Variants in PEX3 observed in about 807,000 individuals in gnomAD.
The protein encoded by PEX3 is peroxisomal biogenesis factor 3, also known as peroxin-3.
PEX3 carries 30 observed loss-of-function variants against 55.8 expected under a neutral mutation model. The observed-to-expected ratio is 0.54, with a 90% CI of 0.40 to 0.73. The LOEUF (loss-of-function observed/expected upper bound fraction) is 0.73. PEX3 is among the 30% of genes least tolerant of loss of function. The pLI is 0.00. For missense variants in PEX3, 351 were observed against 432.8 expected (o/e 0.81, Z 1.68); for synonymous variants, 135 against 148.4 (o/e 0.91, Z 0.66).
In PEX3 at chr6:143,485,068, G is replaced by T; in HGVS notation, c.942-84G>T. Reference sequence around the variant, plus strand: ...TAGATTTCCAAAAATATTCTACAATGGCTATGTATTACTTTTATAATTAAG... The same window carrying T: ...TAGATTTCCAAAAATATTCTACAATTGCTATGTATTACTTTTATAATTAAG... On this transcript the variant is annotated intron_variant, in intron 10 of 11. Transcript: ENST00000367591. This position sits in a 1 kb window ranked among gnomAD's most constrained non-coding sequence, Gnocchi z 5.6. The T allele has an allele frequency of 2.5e-6, 2 of 794,868 alleles. No homozygotes were observed. The highest frequency in any genetic ancestry group is 1.4e-5 in the South Asian group (1 of 73,650). 49.2% of individuals were successfully genotyped at this position (794,868 alleles called of 1,614,324 possible).
chr6:143,474,964 A>G (rs1780132023), intron 9 of PEX3, 108 bp downstream of exon 9: 1 of 613,484 alleles, frequency 1.6e-6, no homozygotes, highest in African/African-American at 1.9e-5. Context: ...TTATATTAAA[A>G]TTAAATTTTT....
chr6:143,470,894 G>A, intron 4 of PEX3, 67 bp from the exon 5 acceptor site: 1 of 1,397,016 alleles, frequency 7.2e-7, no homozygotes, highest in South Asian at 1.2e-5. Context: ...AATAACCTTA[G>A]GATGGTTCAT....
rs187868254 is a variant in PEX3 at position 143,458,540 on chromosome 6, G to A, written c.74-545G>A. Among the ~76,000 whole-genome samples the A allele has an allele frequency of 1.3e-5, 2 of 152,014 alleles. No individual in the cohort carries two copies. Among genetic ancestry groups the A allele is most frequent in the East Asian group, 3.9e-4 (2 of 5,180 alleles). On this transcript the variant is annotated intron_variant, in intron 1 of 11. Transcript: ENST00000367591. The surrounding 1 kb of genome is among the most constrained non-coding windows in gnomAD (Gnocchi z 6.1). ...TGTGTTCATTGAAGAAAATATAGAG[G>A]ACAAAATGACCTGTTATCCCACCAT...
intron 4 of PEX3, among the ~76,000 whole-genome samples, chr6:143,468,427 A>T (rs1485347996): frequency 6.6e-6 from 1 of 152,196 alleles, no homozygotes; most frequent in African/African-American, 2.4e-5. Flanking sequence ...AGGTACTGAT[A>T]TCTCTAATGT....
intron 10 of PEX3, among the ~76,000 whole-genome samples, chr6:143,484,563 G>A (rs1395034605): frequency 6.6e-6 from 1 of 151,986 alleles, no homozygotes; most frequent in African/African-American, 2.4e-5. Flanking sequence ...AACATTGTTA[G>A]TAATTAAGAG....
intron 10 of PEX3, among the ~76,000 whole-genome samples, chr6:143,481,010 GC>G (rs1300300980): frequency 7.9e-6 from 1 of 126,512 alleles, no homozygotes; most frequent in Non-Finnish European, 1.7e-5. Flanking sequence ...AGACCCCCCT[GC>G]CCCCCCAAAA....
At chr6:143,468,806 C>CG (rs761458237) in intron 4 of PEX3, among the ~76,000 whole-genome samples, 4 of 14,070 alleles carry the variant, frequency 2.8e-4, no homozygotes, top group East Asian at 2.5e-3. Flanking sequence ...TGCTATCCCC[C>CG]CCCCCCCCAC....
At chr6:143,455,768 A>G (rs1416177157) in intron 1 of PEX3, among the ~76,000 whole-genome samples, 3 of 152,218 alleles carry the variant, frequency 2.0e-5, no homozygotes, top group Admixed American at 2.0e-4. Flanking sequence ...ATTAATTTTT[A>G]GAGTCTAAGT....
intron 3 of PEX3, among the ~76,000 whole-genome samples, chr6:143,467,579 CAGAAACTGT>C (rs1378826262): frequency 6.6e-6 from 1 of 151,948 alleles, no homozygotes; most frequent in Non-Finnish European, 1.5e-5. Flanking sequence ...GTTTTCATGT[CAGAAACTGT>C]AGATACTATA....
rs1383760880 is a variant in PEX3, at chr6:143,483,340, A to G, written c.942-1812A>G. Among the ~76,000 whole-genome samples, 2 of 152,220 alleles carry G rather than the reference A, an allele frequency of 1.3e-5. No homozygotes were observed. Among genetic ancestry groups the G allele is most frequent in the East Asian group, 1.9e-4 (1 of 5,204 alleles). On this transcript the variant is annotated intron_variant, in intron 10 of 11. Coordinates refer to ENST00000367591, the MANE Select transcript of PEX3 (RefSeq NM_003630.3). This position sits in a 1 kb window ranked among gnomAD's most constrained non-coding sequence, Gnocchi z 4.3. ...TATAAAGGAGAAGAACACTGAACGTATAATAGAAAAATTTAAACAAAAGTA... is the reference window on the plus strand; with the variant it reads ...TATAAAGGAGAAGAACACTGAACGTGTAATAGAAAAATTTAAACAAAAGTA...
chr6:143,480,380 A>T lies in PEX3; in HGVS notation c.941+1182A>T, dbSNP rs554733844. The stretch of plus-strand genomic sequence containing the variant: ...AAATACTTGATTTTGTACACTGAAG[A>T]ATTGTAAAAATTATACTACAGCCAC... On this transcript the variant is annotated intron_variant, in intron 10 of 11. Coordinates refer to ENST00000367591, the MANE Select transcript of PEX3 (RefSeq NM_003630.3). Among the ~76,000 whole-genome samples, 11 of 152,300 alleles carry T rather than the reference A, an allele frequency of 7.2e-5. No homozygotes were observed. The East Asian group carries it at 1.9e-3, about 27-fold the overall frequency.
chr6:143,451,038 T>C lies in PEX3; in HGVS notation c.-5T>C, dbSNP rs778648080. ...CTAGTCAGCCCACACCCCTAGGGCC[T>C]AAAGATGCTGAGGTCTGTATGGAAT... On this transcript the variant is annotated 5_prime_UTR_variant, in exon 1 of 12. Transcript: ENST00000367591. This position sits in a 1 kb window ranked among gnomAD's most constrained non-coding sequence, Gnocchi z 4.1. 14 of 1,609,718 alleles carry C rather than the reference T, an allele frequency of 8.7e-6. No homozygotes were observed. Among genetic ancestry groups the C allele is most frequent in the Non-Finnish European group, 1.2e-5 (14 of 1,176,044 alleles).
Position 143,464,618 on chromosome 6 carries a change from C to T in PEX3, c.287+1621C>T, listed in dbSNP as rs139953927. On this transcript the variant is annotated intron_variant, in intron 3 of 11. Coordinates refer to ENST00000367591, the MANE Select transcript of PEX3 (RefSeq NM_003630.3). The surrounding 1 kb of genome is among the most constrained non-coding windows in gnomAD (Gnocchi z 5.8). ...AAATTCTGGAGAATTTAAGGTGGGC[C>T]ACAGTTCTCCTCATTCAGTTTCCTC... 1.7e-3 allele frequency among the ~76,000 whole-genome samples: 261 copies of T among 151,846 alleles called. No homozygotes were observed. Among genetic ancestry groups the T allele is most frequent in the African/African-American group, 5.8e-3 (241 of 41,494 alleles).
chr6:143,470,896 A>C, intron 4 of PEX3, 65 bp from the exon 5 acceptor site: 1 of 1,409,700 alleles, frequency 7.1e-7, no homozygotes. Context: ...TAACCTTAGG[A>C]TGGTTCATGA....
In PEX3 at chr6:143,450,988, T is replaced by G; in HGVS notation, c.-55T>G. On this transcript the variant is annotated 5_prime_UTR_variant, in exon 1 of 12. Transcript: ENST00000367591. ...CTGGGCCAGGTGACGAAGAAACAGT[T>G]TCCTGGTGAAGCAGTCCCTCACCCC... 3.1e-6 allele frequency: 4 copies of G among 1,288,788 alleles called. No individual in the cohort carries two copies. Among genetic ancestry groups the G allele is most frequent in the Non-Finnish European group, 4.5e-6 (4 of 882,624 alleles). 79.8% of individuals were successfully genotyped at this position (1,288,788 alleles called of 1,614,324 possible). A position where few individuals can be genotyped will look rare whatever the true frequency, so the allele number is the denominator to read the frequency against.
In PEX3 at chr6:143,459,706, C is replaced by G. The variant is rs147824840; in HGVS notation, c.205+490C>G. Reference sequence around the variant, plus strand: ...GAGGCGGGAACAAGCTTGGTACTCTCAGGACACAGCAAAAAGGCCATGTAG... The same window carrying G: ...GAGGCGGGAACAAGCTTGGTACTCTGAGGACACAGCAAAAAGGCCATGTAG... On this transcript the variant is annotated intron_variant, in intron 2 of 11. Coordinates refer to ENST00000367591, the MANE Select transcript of PEX3 (RefSeq NM_003630.3). This position sits in a 1 kb window ranked among gnomAD's most constrained non-coding sequence, Gnocchi z 4.2. 6.6e-6 allele frequency among the ~76,000 whole-genome samples: 1 copy of G among 152,200 alleles called. No individual in the cohort carries two copies. The highest frequency in any genetic ancestry group is 1.5e-5 in the Non-Finnish European group (1 of 68,006).
intron 4 of PEX3, among the ~76,000 whole-genome samples, chr6:143,468,877 A>T (rs1458158402): frequency 3.1e-5 from 4 of 130,226 alleles, no homozygotes; most frequent in Admixed American, 9.7e-5. Context: ...CCTGTGTTCA[A>T]GTGTTCTCAT....
chr6:143,473,498 T>A (rs1444014437), intron 8 of PEX3, among the ~76,000 whole-genome samples: 1 of 152,092 alleles, frequency 6.6e-6, no homozygotes, highest in Non-Finnish European at 1.5e-5. Flanking sequence ...GGACCAGATC[T>A]TACTGAACTG....
In PEX3 at chr6:143,462,763, T is replaced by G. The variant is rs1779941399; in HGVS notation, c.206-153T>G. ...TTGTTAGGATATAATCGTTTTATAATAATAATAATAATTTGAATCGTCTAG... is the reference window on the plus strand; with the variant it reads ...TTGTTAGGATATAATCGTTTTATAAGAATAATAATAATTTGAATCGTCTAG... On this transcript the variant is annotated intron_variant, in intron 2 of 11. Coordinates refer to ENST00000367591, the MANE Select transcript of PEX3 (RefSeq NM_003630.3). This position sits in a 1 kb window ranked among gnomAD's most constrained non-coding sequence, Gnocchi z 4.1. Among the ~76,000 whole-genome samples the G allele has an allele frequency of 1.3e-5, 2 of 152,190 alleles. No homozygotes were observed. Among genetic ancestry groups the G allele is most frequent in the African/African-American group, 4.8e-5 (2 of 41,456 alleles).
Sources: gnomAD v4.1 joint callset for allele counts (sites outside exome capture counted in the v4.1 genomes callset) on GRCh38, gnomAD v4.1.1 for gene constraint, Gnocchi (gnomAD v3.1) non-coding constraint, MANE v1.5 for transcripts, NCBI Gene and HGNC (gene_info 2026-07-23, HGNC 2026-07-21) for gene names.